The following MYO9A variants were observed in gnomAD, a reference collection of about 807,000 sequenced individuals.
The protein encoded by MYO9A is myosin IXA.
Under a neutral mutation model 293.3 loss-of-function variants are expected in MYO9A, and 103 were observed. The ratio of observed to expected loss-of-function variants is 0.35; its 90% CI spans 0.30 to 0.41. The LOEUF (loss-of-function observed/expected upper bound fraction) is 0.41. MYO9A is among the 10% of genes least tolerant of loss of function. MYO9A has a pLI of 1.00. For synonymous variants in MYO9A, 1,001 were observed against 1,035.7 expected, an observed-to-expected ratio of 0.97 and a Z score of 0.64; for missense variants, 2,685 against 3,033.0, an observed-to-expected ratio of 0.89 and a Z score of 2.69.
At chr15:71,876,703 G>C (rs951930289) in intron 31 of MYO9A, among the ~76,000 whole-genome samples, 3 of 151,960 alleles carry the variant, frequency 2.0e-5, no homozygotes, top group African/African-American at 7.3e-5. Flanking sequence ...CAAAGTGCTG[G>C]GATTACAGGC....
intron 27 of MYO9A, among the ~76,000 whole-genome samples, chr15:71,886,924 A>G (rs1307146310): frequency 6.6e-6 from 1 of 152,130 alleles, no homozygotes; most frequent in Non-Finnish European, 1.5e-5. Context: ...ATACCTCTAC[A>G]GTCAGCGAAA....
chr15:72,057,901 G>A (rs2078766496), intron 1 of MYO9A, among the ~76,000 whole-genome samples: 1 of 152,138 alleles, frequency 6.6e-6, no homozygotes, highest in Non-Finnish European at 1.5e-5. Context: ...GCCACTCTGA[G>A]GTAGGTTTCT....
At position 71,903,981 on chromosome 15, in the gene MYO9A, A is replaced by G; in HGVS notation, c.2825T>C (p.Leu942Pro). 3 of 1,614,136 alleles carry G rather than the reference A, an allele frequency of 1.9e-6. No individual in the cohort carries two copies. The highest frequency in any genetic ancestry group is 2.5e-6 in the Non-Finnish European group (3 of 1,180,002). ...VLRQLRYTGMLETVRIRQSGY... is the reference protein window; with the variant it reads ...VLRQLRYTGMPETVRIRQSGY... ...TGATTGGCGAATTCGAACTGTTTCC[A>G]GCATCCCGGTGTATCGAAGCTGTCT... The change falls in exon 21 of 42, where the codon CTG becomes CCG. Residue 942 changes from leucine to proline, a missense_variant. Physicochemically the swap from Leu to Pro is moderately conservative, Grantham distance 98. Transcript: ENST00000356056.
At chr15:71,978,354 T>C (rs910268652) in intron 11 of MYO9A, 62 bp from the exon 12 acceptor site, 31 of 1,413,388 alleles carry the variant, frequency 2.2e-5, no homozygotes, top group Middle Eastern at 4.8e-4. Context: ...GTATATAATA[T>C]AGATTGAAAA....
chr15:71,877,371 A>G (rs987312080), intron 31 of MYO9A, among the ~76,000 whole-genome samples: 3 of 152,214 alleles, frequency 2.0e-5, no homozygotes, highest in Non-Finnish European at 2.9e-5. Context: ...AAGAATAAAT[A>G]TAATTTGTAG....
At chr15:71,963,947 C>T (rs2075808691) in intron 13 of MYO9A, among the ~76,000 whole-genome samples, 2 of 152,190 alleles carry the variant, frequency 1.3e-5, no homozygotes, top group African/African-American at 4.8e-5. Context: ...TTCTGAACTA[C>T]TGATTCAAAT....
chr15:71,984,856 C>T (rs1347409558), intron 11 of MYO9A, among the ~76,000 whole-genome samples: 3 of 151,864 alleles, frequency 2.0e-5, no homozygotes, highest in Non-Finnish European at 2.9e-5. Flanking sequence ...GTTTCCAGTC[C>T]ATGTCTAGTG....
intron 3 of MYO9A, among the ~76,000 whole-genome samples, chr15:72,031,964 T>C (rs1041520782): frequency 6.6e-6 from 1 of 152,178 alleles, no homozygotes; most frequent in African/African-American, 2.4e-5. Context: ...TGGAGTAAAG[T>C]GGCACAATCT....
At chr15:72,079,383 A>G (rs1319182969) in intron 1 of MYO9A, among the ~76,000 whole-genome samples, 2 of 152,208 alleles carry the variant, frequency 1.3e-5, no homozygotes, top group South Asian at 2.1e-4. Context: ...ATCAACCTGC[A>G]TACTATAAAA....
intron 4 of MYO9A, among the ~76,000 whole-genome samples, chr15:72,026,984 T>C (rs1173173906): frequency 6.6e-6 from 1 of 152,192 alleles, no homozygotes; most frequent in East Asian, 1.9e-4. Context: ...CAGAACCAGA[T>C]GGCTTTGCTG....
At chr15:71,989,951 C>A (rs550094172) in intron 11 of MYO9A, among the ~76,000 whole-genome samples, 1 of 151,964 alleles carries the variant, frequency 6.6e-6, no homozygotes, top group African/African-American at 2.4e-5. Flanking sequence ...ACTCCTTAAG[C>A]CCCAGAGGTC....
chr15:71,880,069 C>T lies in MYO9A; in HGVS notation c.5623-232G>A, dbSNP rs187824848. Among the ~76,000 whole-genome samples, 286 of 152,294 alleles carry T rather than the reference C, an allele frequency of 1.9e-3. 2 individuals are homozygous for T. The highest frequency in any genetic ancestry group is 0.014 in the Middle Eastern group (4 of 294). On this transcript the variant is annotated intron_variant, in intron 29 of 41. Transcript: ENST00000356056. ...ATTCTATAGTTCTGTTACAAGAAAACTCCCGTGTGCAACAAGCTGTACCTT... is the reference window on the plus strand; with the variant it reads ...ATTCTATAGTTCTGTTACAAGAAAATTCCCGTGTGCAACAAGCTGTACCTT...
rs115575225 is a variant in MYO9A, at chr15:72,082,036, A to G, written c.-71-35402T>C. 9.0e-4 allele frequency among the ~76,000 whole-genome samples: 137 copies of G among 152,200 alleles called. 1 individual carries two copies. The highest frequency in any genetic ancestry group is 3.4e-3 in the Middle Eastern group (1 of 294). On this transcript the variant is annotated intron_variant, in intron 1 of 41. Coordinates refer to ENST00000356056, the MANE Select transcript of MYO9A (RefSeq NM_006901.4). ...TGGGCTCTTTTTTGGTTCCATATCAATTTTTAAATATTTTTTTCTAGATCT... is the reference window on the plus strand; with the variant it reads ...TGGGCTCTTTTTTGGTTCCATATCAGTTTTTAAATATTTTTTTCTAGATCT...
chr15:71,965,080 GATTTC>G (rs2075839095), intron 13 of MYO9A, among the ~76,000 whole-genome samples: 1 of 151,706 alleles, frequency 6.6e-6, no homozygotes, highest in Non-Finnish European at 1.5e-5. Context: ...TGATAGGCTG[GATTTC>G]ATTAATGTTC....
At chr15:72,061,648 C>T (rs2150000215) in intron 1 of MYO9A, among the ~76,000 whole-genome samples, 1 of 152,150 alleles carries the variant, frequency 6.6e-6, no homozygotes, top group South Asian at 2.1e-4. Flanking sequence ...TGTCCTACAA[C>T]TTAGGCACCA....
intron 11 of MYO9A, 82 bp from the exon 12 acceptor site, chr15:71,978,374 CT>C: frequency 1.7e-6 from 2 of 1,164,400 alleles, no homozygotes; most frequent in Non-Finnish European, 2.4e-6. Flanking sequence ...AGCTTTTACC[CT>C]GCTTAAAATT....
intron 1 of MYO9A, among the ~76,000 whole-genome samples, chr15:72,109,051 C>A (rs1345162080): frequency 6.6e-6 from 1 of 152,076 alleles, no homozygotes; most frequent in African/African-American, 2.4e-5. Context: ...ATGTGAGTCA[C>A]GGCACCCAGC....
At chr15:71,953,362 G>C (rs944183485) in intron 14 of MYO9A, among the ~76,000 whole-genome samples, 1 of 152,186 alleles carries the variant, frequency 6.6e-6, no homozygotes, top group African/African-American at 2.4e-5. Context: ...GTTCTAGTCA[G>C]ACTCCATTCA....
chr15:72,008,059 G>A, intron 7 of MYO9A, 107 bp from the exon 8 acceptor site: 1 of 1,336,674 alleles, frequency 7.5e-7, no homozygotes, highest in East Asian at 2.4e-5. Flanking sequence ...GAAGTATTTA[G>A]TCTTTGGAAA....
Sources: gnomAD v4.1 joint callset for allele counts (sites outside exome capture counted in the v4.1 genomes callset) on GRCh38, gnomAD v4.1.1 for gene constraint, MANE v1.5 for transcripts, NCBI Gene and HGNC (gene_info 2026-07-23, HGNC 2026-07-21) for gene names.